FARP1: variants seen among roughly 807,000 people sequenced by gnomAD.
FARP1 encodes the protein FERM, ARHGEF and pleckstrin domain-containing protein 1.
In FARP1, 52 loss-of-function variants were observed where a neutral mutation model predicts 128.8. The ratio of observed to expected loss-of-function variants is 0.40; its 90% CI spans 0.32 to 0.51. The LOEUF is 0.51. Ranked by LOEUF, FARP1 falls within the 20% of genes least tolerant of loss-of-function variation. FARP1 has a pLI of 0.45. For synonymous variants in FARP1, 580 were observed against 551.8 expected (o/e 1.05, Z -0.72); for missense variants, 1,333 against 1,367.9 (o/e 0.97, Z 0.40).
intron 1 of FARP1, among the ~76,000 whole-genome samples, chr13:98,161,141 A>G (rs1317451597): frequency 6.8e-6 from 1 of 148,080 alleles, no homozygotes; most frequent in Non-Finnish European, 1.5e-5. Flanking sequence ...AGAACGCTCT[A>G]TTTTTTTCAA....
Position 98,448,246 on chromosome 13 carries a change from G to A in FARP1, c.3067G>A (p.Val1023Met). 1 of 1,613,966 alleles carries A rather than the reference G, an allele frequency of 6.2e-7. No individual in the cohort carries two copies. Among genetic ancestry groups the A allele is most frequent in the Non-Finnish European group, 8.5e-7 (1 of 1,179,848 alleles). ...GTTCCCGTGTTGCAGGTGGATGGAA[G>A]TGATCCGCAGTGCCACCAGCTCTGC... ...SEYTFERWME[V>M]IRSATSSASR... Residue 1023 changes from valine to methionine, a missense_variant, in exon 27 of 27, where the codon GTG becomes ATG. Coordinates refer to ENST00000319562, the MANE Select transcript of FARP1 (RefSeq NM_005766.4).
chr13:98,295,247 T>A (rs908925631), intron 2 of FARP1, among the ~76,000 whole-genome samples: 3 of 152,132 alleles, frequency 2.0e-5, no homozygotes, highest in African/African-American at 7.2e-5. Flanking sequence ...TGAAGTGATA[T>A]TAAATTTTAG....
chr13:98,353,979 A>G (rs577922777), intron 3 of FARP1, among the ~76,000 whole-genome samples: 29 of 152,376 alleles, frequency 1.9e-4, no homozygotes, highest in African/African-American at 6.7e-4. Context: ...TAAACTGAGT[A>G]ATTGATGTTT....
chr13:98,265,287 C>T (rs1884053927), intron 2 of FARP1, among the ~76,000 whole-genome samples: 1 of 148,680 alleles, frequency 6.7e-6, no homozygotes, highest in African/African-American at 2.5e-5. Flanking sequence ...CATACACCCA[C>T]CCACCCACAC....
At chr13:98,172,914 C>G (rs192314482) in intron 1 of FARP1, among the ~76,000 whole-genome samples, 83 of 152,220 alleles carry the variant, frequency 5.5e-4, no homozygotes, top group African/African-American at 2.0e-3. Flanking sequence ...TGGCAACAAC[C>G]CAGTAGCAAA....
At chr13:98,312,770 C>G (rs1445640421) in intron 2 of FARP1, among the ~76,000 whole-genome samples, 3 of 152,122 alleles carry the variant, frequency 2.0e-5, no homozygotes, top group Admixed American at 2.0e-4. Flanking sequence ...CACAACAGAG[C>G]CGCGGCGTTT....
chr13:98,232,000 T>G (rs115517148), intron 2 of FARP1, among the ~76,000 whole-genome samples: 37 of 152,068 alleles, frequency 2.4e-4, no homozygotes, highest in African/African-American at 8.7e-4. Flanking sequence ...GCTAATTTCT[T>G]TGTATTTTTA....
At chr13:98,313,589 G>A (rs1337280579) in intron 2 of FARP1, among the ~76,000 whole-genome samples, 1 of 152,214 alleles carries the variant, frequency 6.6e-6, no homozygotes, top group Non-Finnish European at 1.5e-5. Flanking sequence ...ATGGACCTTT[G>A]TCCCTAAGAA....
chr13:98,226,970 T>G (rs1299110085), intron 2 of FARP1, among the ~76,000 whole-genome samples: 1 of 152,076 alleles, frequency 6.6e-6, no homozygotes. Context: ...AGATGGAGTC[T>G]TGCTCTGTTG....
chr13:98,227,536 A>G (rs1881866700), intron 2 of FARP1, among the ~76,000 whole-genome samples: 1 of 152,156 alleles, frequency 6.6e-6, no homozygotes, highest in South Asian at 2.1e-4. Flanking sequence ...AGAATGTAAG[A>G]TGGTGCAGCT....
intron 1 of FARP1, among the ~76,000 whole-genome samples, chr13:98,208,984 G>A (rs550563536): frequency 1.3e-5 from 2 of 152,214 alleles, no homozygotes; most frequent in Non-Finnish European, 2.9e-5. Flanking sequence ...TGAAGAGAAG[G>A]CTTTAACACT....
intron 1 of FARP1, among the ~76,000 whole-genome samples, chr13:98,199,639 G>A (rs1879807155): frequency 6.6e-6 from 1 of 152,232 alleles, no homozygotes; most frequent in African/African-American, 2.4e-5. Context: ...TATTTGGAGA[G>A]GCTGACTGGT....
rs377439606 is a variant in FARP1, at chr13:98,438,791, G to T, written c.2275-13G>T. 6 of 1,611,442 alleles carry T rather than the reference G, an allele frequency of 3.7e-6. No homozygotes were observed. Among genetic ancestry groups the T allele is most frequent in the Non-Finnish European group, 5.1e-6 (6 of 1,179,306 alleles). Reference sequence around the variant, plus strand: ...ACGCTCGCAGCCAGCCCTCCGGTCTGTCTCCCCTGCAGGAGTTCATCCGTC... The same window carrying T: ...ACGCTCGCAGCCAGCCCTCCGGTCTTTCTCCCCTGCAGGAGTTCATCCGTC... On this transcript the variant is annotated splice_polypyrimidine_tract_variant and intron_variant, in intron 19 of 26. Transcript: ENST00000319562.
intron 16 of FARP1, among the ~76,000 whole-genome samples, chr13:98,416,743 G>C (rs1250246539): frequency 6.6e-6 from 1 of 152,210 alleles, no homozygotes; most frequent in Non-Finnish European, 1.5e-5. Flanking sequence ...TGAGTGCAAG[G>C]TGGCCAGCTG....
At chr13:98,225,929 T>A (rs1195946668) in intron 2 of FARP1, among the ~76,000 whole-genome samples, 2 of 152,314 alleles carry the variant, frequency 1.3e-5, no homozygotes, top group South Asian at 2.1e-4. Flanking sequence ...CATGCACTCT[T>A]GGGGAGGTCA....
chr13:98,225,920 A>T (rs894377230), intron 2 of FARP1, among the ~76,000 whole-genome samples: 2 of 152,198 alleles, frequency 1.3e-5, no homozygotes, highest in African/African-American at 4.8e-5. Flanking sequence ...TTTTACCCAC[A>T]TGCACTCTTG....
At chr13:98,181,681 G>A (rs753003872) in intron 1 of FARP1, among the ~76,000 whole-genome samples, 1 of 150,890 alleles carries the variant, frequency 6.6e-6, no homozygotes, top group African/African-American at 2.4e-5. Flanking sequence ...TTGCCCAGGG[G>A]TGTGTGGCGC....
chr13:98,446,548 C>T (rs2139173681), intron 25 of FARP1, 118 bp from the exon 26 acceptor site: 2 of 1,053,252 alleles, frequency 1.9e-6, no homozygotes, highest in East Asian at 2.4e-5. Context: ...CTTCCAGGCC[C>T]ACGCCCGAGG....
intron 1 of FARP1, among the ~76,000 whole-genome samples, chr13:98,211,124 C>A (rs1880678719): frequency 6.6e-6 from 1 of 152,194 alleles, no homozygotes; most frequent in Non-Finnish European, 1.5e-5. Context: ...GTGGCTCCTG[C>A]TGCCTGCAGG....
Sources: gnomAD v4.1 joint callset for allele counts (sites outside exome capture counted in the v4.1 genomes callset) on GRCh38, gnomAD v4.1.1 for gene constraint, MANE v1.5 for transcripts, NCBI Gene and HGNC (gene_info 2026-07-23, HGNC 2026-07-21) for gene names.